Variants in ABCA12 observed in about 807,000 individuals in gnomAD.
ABCA12 encodes glucosylceramide transporter ABCA12.
A neutral mutation model predicts 293.5 loss-of-function variants in ABCA12; 156 were observed. That is an observed-to-expected ratio of 0.53 (90% CI 0.47 to 0.61). ABCA12 has a LOEUF of 0.61. Among genes scored for constraint, ABCA12 ranks in the 20% least tolerant of loss-of-function variants. ABCA12 has a pLI of 0.00. For synonymous variants in ABCA12, 1,063 were observed against 1,108.0 expected, an observed-to-expected ratio of 0.96 and a Z score of 0.81; for missense variants, 2,797 against 3,090.2, an observed-to-expected ratio of 0.91 and a Z score of 2.25.
intron 2 of ABCA12, among the ~76,000 whole-genome samples, chr2:215,104,539 C>T (rs1352678680): frequency 6.6e-6 from 1 of 152,162 alleles, no homozygotes; most frequent in Non-Finnish European, 1.5e-5. Context: ...GCACGGGACA[C>T]TGGAGGAAAC....
Position 214,950,863 on chromosome 2 carries a change from A to T in ABCA12, c.6852+16T>A. 1.2e-6 allele frequency: 2 copies of T among 1,612,040 alleles called. No homozygotes were observed. The highest frequency in any genetic ancestry group is 1.7e-6 in the Non-Finnish European group (2 of 1,178,100). On this transcript the variant is annotated intron_variant, in intron 45 of 52. Transcript: ENST00000272895. ...CCAATGAAAAGGACAGTTAGAAACAAAACACAGTTTCTTACCTCTCCAGCA... is the reference window on the plus strand; with the variant it reads ...CCAATGAAAAGGACAGTTAGAAACATAACACAGTTTCTTACCTCTCCAGCA...
chr2:215,097,671 A>G (rs1702274265), intron 2 of ABCA12, among the ~76,000 whole-genome samples: 1 of 152,206 alleles, frequency 6.6e-6, no homozygotes. Flanking sequence ...TATTTGAGCT[A>G]AAATTTAATA....
chr2:215,040,367 T>C (rs1169886802), intron 7 of ABCA12, among the ~76,000 whole-genome samples: 1 of 152,080 alleles, frequency 6.6e-6, no homozygotes, highest in African/African-American at 2.4e-5. Context: ...AATAGACATA[T>C]GAAAAAATGT....
chr2:214,948,693 C>T lies in ABCA12; in HGVS notation c.7007G>A (p.Cys2336Tyr). The T allele has an allele frequency of 6.2e-7, 1 of 1,614,078 alleles. No individual in the cohort carries two copies. Among genetic ancestry groups the T allele is most frequent in the Non-Finnish European group, 8.5e-7 (1 of 1,179,976 alleles). The change falls in exon 47 of 53, where the codon TGT (cysteine) becomes TAT (tyrosine). Residue 2336 changes from cysteine to tyrosine, a missense_variant. Cys to Tyr is a radical substitution (Grantham distance 194). This residue lies in a region of ABCA12 where 2,130 missense variants were observed against 2,427.0 expected (regional missense o/e 0.88). Coordinates refer to ENST00000272895, the MANE Select transcript of ABCA12 (RefSeq NM_173076.3). ...GTCATCTAAGGCATCTTCCTGAGGA[C>T]AGTAGCCAACTAATGAGCTGTGAGA... ...VDSHSSLVGY[C>Y]PQEDALDDLV...
In ABCA12 at chr2:214,955,092, A is replaced by G. The variant is rs556399170; in HGVS notation, c.6393+110T>C. On this transcript the variant is annotated intron_variant, in intron 43 of 52. Transcript: ENST00000272895. ...AAAAGCTGTAGTTTCTCCTCTCCCAAATTTAATAGAATCAAATGATATTCT... is the reference window on the plus strand; with the variant it reads ...AAAAGCTGTAGTTTCTCCTCTCCCAGATTTAATAGAATCAAATGATATTCT... 3.1e-5 allele frequency: 43 copies of G among 1,385,144 alleles called. No homozygotes were observed. In the South Asian group the frequency reaches 4.4e-4, roughly 14 times the overall value. The allele number at this position is 1,385,144 out of a possible 1,614,324, so 85.8% of individuals were successfully genotyped here. A position where few individuals can be genotyped will look rare whatever the true frequency, so the allele number is the denominator to read the frequency against.
Position 214,942,964 on chromosome 2 carries a change from T to A in ABCA12, c.7397A>T (p.Lys2466Met), listed in dbSNP as rs545013516. ...CTGCAAAGATCCAATACATTGAAACTTTCCATTCACCATAATGGCCAACCT... is the reference window on the plus strand; with the variant it reads ...CTGCAAAGATCCAATACATTGAAACATTCCATTCACCATAATGGCCAACCT... Reference protein sequence around the residue: ...CTRLAIMVNGKFQCIGSLQHI... With the variant: ...CTRLAIMVNGMFQCIGSLQHI... The change falls in exon 50 of 53, where the codon AAG becomes ATG. Residue 2466 changes from lysine to methionine, a missense_variant. Lys to Met is a moderately conservative substitution (Grantham distance 95). Around this residue, in one of 3 missense-constraint regions of ABCA12, gnomAD observed 2,130 missense variants for 2,427.0 expected, o/e 0.88. Coordinates refer to ENST00000272895, the MANE Select transcript of ABCA12 (RefSeq NM_173076.3). 13 of 1,613,538 alleles carry A rather than the reference T, an allele frequency of 8.1e-6. No homozygotes were observed. In the East Asian group the frequency reaches 2.9e-4, roughly 36 times the overall value.
At chr2:215,030,746 A>G (rs1322589899) in intron 9 of ABCA12, among the ~76,000 whole-genome samples, 1 of 152,214 alleles carries the variant, frequency 6.6e-6, no homozygotes, top group Non-Finnish European at 1.5e-5. Flanking sequence ...AAGAGGAGGT[A>G]GTTGTTTATG....
chr2:215,077,092 TC>T (rs1701849369), intron 2 of ABCA12, among the ~76,000 whole-genome samples: 2 of 152,262 alleles, frequency 1.3e-5, no homozygotes, highest in East Asian at 3.9e-4. Flanking sequence ...CACAGGGGCC[TC>T]CAAGGTACCT....
chr2:215,100,016 CTT>C (rs199763276), intron 2 of ABCA12, among the ~76,000 whole-genome samples: 2,050 of 116,072 alleles, frequency 0.018, 39 homozygotes, highest in African/African-American at 0.051. Flanking sequence ...CTCTCTCTCT[CTT>C]TTTTTTTTTT....
chr2:215,122,113 A>T (rs1702818962), intron 1 of ABCA12, among the ~76,000 whole-genome samples: 1 of 152,220 alleles, frequency 6.6e-6, no homozygotes, highest in South Asian at 2.1e-4. Flanking sequence ...TGGTGTTTAC[A>T]GAAGCAACGG....
At chr2:214,951,252 C>A (rs571869153) in intron 44 of ABCA12, among the ~76,000 whole-genome samples, 169 bp from the exon 45 acceptor site, 1 of 152,306 alleles carries the variant, frequency 6.6e-6, no homozygotes, top group South Asian at 2.1e-4. Context: ...AGTATAGACC[C>A]TCCTCACTGT....
intron 7 of ABCA12, 149 bp from the exon 8 acceptor site, chr2:215,037,214 TTGTC>T (rs1383465313): frequency 8.8e-6 from 6 of 683,602 alleles, no homozygotes; most frequent in Middle Eastern, 3.8e-4. Context: ...AATTACTTGT[TTGTC>T]TGTTCATGCA....
Position 215,005,816 on chromosome 2 carries a change from G to A in ABCA12, c.2593-1517C>T, listed in dbSNP as rs186127211. 1.9e-4 allele frequency among the ~76,000 whole-genome samples: 29 copies of A among 152,278 alleles called. No individual in the cohort carries two copies. In the South Asian group the frequency reaches 3.1e-3, roughly 16 times the overall value. On this transcript the variant is annotated intron_variant, in intron 19 of 52. Transcript: ENST00000272895. ...TAATCCATGCATGTAGCAAAATTGC[G>A]TTTGTATCACATAAATGTATACAAA...
chr2:215,024,119 G>C (rs748929894), intron 11 of ABCA12, among the ~76,000 whole-genome samples: 1 of 152,120 alleles, frequency 6.6e-6, no homozygotes, highest in African/African-American at 2.4e-5. Context: ...CTAATTCTAT[G>C]CAGCCTTCAA....
intron 4 of ABCA12, among the ~76,000 whole-genome samples, chr2:215,053,016 A>G (rs1242144897): frequency 6.6e-6 from 1 of 152,100 alleles, no homozygotes; most frequent in East Asian, 1.9e-4. Context: ...TCTTTTAATT[A>G]TCCAATTGGG....
At chr2:215,102,008 C>G (rs899490655) in intron 2 of ABCA12, among the ~76,000 whole-genome samples, 2 of 151,232 alleles carry the variant, frequency 1.3e-5, no homozygotes, top group Non-Finnish European at 2.9e-5. Context: ...CCCAATGGTC[C>G]TATTTTATTT....
rs1031005638 is a variant in ABCA12 at position 215,000,619 on chromosome 2, C to T, written c.3179+86G>A. The T allele has an allele frequency of 4.0e-6, 6 of 1,508,350 alleles. No homozygotes were observed. In the African/African-American group the frequency reaches 6.9e-5, roughly 17 times the overall value. The allele number at this position is 1,508,350 out of a possible 1,614,324, so 93.4% of individuals were successfully genotyped here. A position where few individuals can be genotyped will look rare whatever the true frequency, so the allele number is the denominator to read the frequency against. ...AAAGTTTGGTGAATGTTGTTCCTTTCATGTAATACATCTGAATGAATGGAC... is the reference window on the plus strand; with the variant it reads ...AAAGTTTGGTGAATGTTGTTCCTTTTATGTAATACATCTGAATGAATGGAC... On this transcript the variant is annotated intron_variant, in intron 22 of 52. Transcript: ENST00000272895.
intron 2 of ABCA12, among the ~76,000 whole-genome samples, chr2:215,098,437 T>C (rs543442818): frequency 1.3e-5 from 2 of 152,320 alleles, no homozygotes; most frequent in South Asian, 2.1e-4. Context: ...TCAGCAAATA[T>C]GACAGAATAA....
At chr2:214,983,602 T>G in intron 29 of ABCA12, 45 bp downstream of exon 29, 1 of 1,542,936 alleles carries the variant, frequency 6.5e-7, no homozygotes, top group Non-Finnish European at 9.0e-7. Context: ...TATGGGTCTT[T>G]GAGAGGAGTT....
Sources: allele counts gnomAD v4.1 joint callset (sites outside exome capture counted in the v4.1 genomes callset), GRCh38; gene constraint gnomAD v4.1.1; regional missense constraint gnomAD v4.1.1; transcripts MANE v1.5; gene names NCBI Gene and HGNC (gene_info 2026-07-23, HGNC 2026-07-21).